Variants in EML4 observed in about 807,000 individuals in gnomAD.
EML4 encodes EMAP like 4, also known as echinoderm microtubule-associated protein-like 4.
In EML4, 72 loss-of-function variants were observed where a neutral mutation model predicts 129.0. The ratio of observed to expected loss-of-function variants is 0.56; its 90% CI spans 0.46 to 0.68. EML4 has a LOEUF of 0.68. EML4 is among the 30% of genes least tolerant of loss of function. The probability of loss-of-function intolerance (pLI) is 0.00; values close to 1 mark genes in which losing one functional copy is unlikely to be tolerated. For synonymous variants in EML4, 532 were observed against 405.0 expected (o/e 1.31, Z -3.77); for missense variants, 1,363 against 1,190.6 (o/e 1.14, Z -2.13).
intron 6 of EML4, among the ~76,000 whole-genome samples, chr2:42,280,002 G>T (rs753389399): frequency 6.6e-6 from 1 of 152,038 alleles, no homozygotes; most frequent in Non-Finnish European, 1.5e-5. Flanking sequence ...ATATTTTTGA[G>T]ATTAACCCTT....
intron 2 of EML4, among the ~76,000 whole-genome samples, chr2:42,255,328 G>T (rs185978557): frequency 6.6e-6 from 1 of 152,032 alleles, no homozygotes; most frequent in East Asian, 1.9e-4. Context: ...CTCGTGATCC[G>T]CCCACCTCAG....
At chr2:42,276,287 C>G (rs971865265) in intron 6 of EML4, among the ~76,000 whole-genome samples, 4 of 152,008 alleles carry the variant, frequency 2.6e-5, no homozygotes, top group Non-Finnish European at 5.9e-5. Context: ...TTTTCTATTT[C>G]TTTTGAAAAA....
At chr2:42,213,501 A>G (rs986299284) in intron 1 of EML4, among the ~76,000 whole-genome samples, 18 of 152,364 alleles carry the variant, frequency 1.2e-4, no homozygotes, top group Non-Finnish European at 2.2e-4. Flanking sequence ...AAAATGAACT[A>G]CATTAGGGTT....
intron 1 of EML4, among the ~76,000 whole-genome samples, chr2:42,213,435 A>G (rs373986752): frequency 2.0e-5 from 3 of 152,360 alleles, no homozygotes; most frequent in Non-Finnish European, 2.9e-5. Flanking sequence ...TTATGAATAT[A>G]TCATAGTCCA....
intron 1 of EML4, among the ~76,000 whole-genome samples, chr2:42,207,509 C>T (rs1572543653): frequency 1.3e-5 from 2 of 152,296 alleles, no homozygotes; most frequent in East Asian, 3.9e-4. Flanking sequence ...ACGTTAGCAG[C>T]TCTACCTGAA....
At chr2:42,286,111 T>C in intron 9 of EML4, 158 bp from the exon 10 acceptor site, 3 of 662,754 alleles carry the variant, frequency 4.5e-6, no homozygotes, top group Non-Finnish European at 8.4e-6. Context: ...TATAAGAAAA[T>C]ACCTACTTAA....
intron 16 of EML4, among the ~76,000 whole-genome samples, chr2:42,303,658 G>A (rs1668427760): frequency 6.6e-6 from 1 of 152,242 alleles, no homozygotes; most frequent in South Asian, 2.1e-4. Context: ...GGGCAAGGTG[G>A]CTCACACCTG....
In EML4 at chr2:42,325,098, C is replaced by G. The variant is rs570805917; in HGVS notation, c.2155-369C>G. On this transcript the variant is annotated intron_variant, in intron 19 of 22. Coordinates refer to ENST00000318522, the MANE Select transcript of EML4 (RefSeq NM_019063.5). The stretch of plus-strand genomic sequence containing the variant: ...CTGATGCCTTATGCACAACTTATAA[C>G]CAACACTTCATTCTCAAAAATGGAG... The G allele has an allele frequency of 6.9e-4, 299 of 434,514 alleles. 3 individuals carry two copies. Among genetic ancestry groups the G allele is most frequent in the South Asian group, 4.8e-3 (290 of 60,802 alleles). The allele number at this position is 434,514 out of a possible 1,614,324, so 26.9% of individuals were successfully genotyped here.
chr2:42,316,736 A>G (rs181271101), intron 18 of EML4, among the ~76,000 whole-genome samples: 1 of 152,340 alleles, frequency 6.6e-6, no homozygotes, highest in East Asian at 1.9e-4. Context: ...GCATTAGCAC[A>G]GGATCCAGAG....
chr2:42,298,442 C>T (rs997288), intron 13 of EML4, among the ~76,000 whole-genome samples: 2 of 151,936 alleles, frequency 1.3e-5, no homozygotes, highest in Non-Finnish European at 1.5e-5. Context: ...GCAGGGATTT[C>T]AAACATTATT....
chr2:42,222,366 T>C (rs553863913), intron 1 of EML4, among the ~76,000 whole-genome samples: 15 of 152,304 alleles, frequency 9.8e-5, no homozygotes, highest in African/African-American at 3.4e-4. Context: ...ATGGTTTTTA[T>C]ATTTTTAAAT....
chr2:42,274,265 A>G (rs1420360476), intron 6 of EML4, among the ~76,000 whole-genome samples: 1 of 152,198 alleles, frequency 6.6e-6, no homozygotes, highest in Non-Finnish European at 1.5e-5. Flanking sequence ...TAAAGATTGT[A>G]AAATACAGAT....
intron 1 of EML4, among the ~76,000 whole-genome samples, chr2:42,192,021 T>C (rs12712838): frequency 0.62 from 93,187 of 151,118 alleles, 29,244 homozygotes; most frequent in East Asian, 0.75. Flanking sequence ...TGCCTGTAAT[T>C]CCAGCTACTC....
At chr2:42,228,657 G>C (rs903952326) in intron 1 of EML4, among the ~76,000 whole-genome samples, 1 of 152,150 alleles carries the variant, frequency 6.6e-6, no homozygotes, top group Non-Finnish European at 1.5e-5. Flanking sequence ...ACTTGCTCCA[G>C]AGACCAGGCT....
At chr2:42,272,194 G>A (rs1176866416) in intron 6 of EML4, among the ~76,000 whole-genome samples, 2 of 151,552 alleles carry the variant, frequency 1.3e-5, no homozygotes, top group African/African-American at 2.4e-5. Context: ...GCTAAAATTT[G>A]TGATTAGCTG....
At chr2:42,275,428 G>C (rs1666603037) in intron 6 of EML4, among the ~76,000 whole-genome samples, 1 of 152,062 alleles carries the variant, frequency 6.6e-6, no homozygotes, top group South Asian at 2.1e-4. Flanking sequence ...TAGAATTTTG[G>C]AACAAAGTCT....
intron 1 of EML4, among the ~76,000 whole-genome samples, chr2:42,218,303 T>G (rs570350916): frequency 1.3e-5 from 2 of 152,070 alleles, no homozygotes; most frequent in Non-Finnish European, 2.9e-5. Context: ...TGGGACCATC[T>G]AGTTGCAGGA....
At chr2:42,260,762 T>G (rs1034301302) in intron 3 of EML4, among the ~76,000 whole-genome samples, 69 of 152,232 alleles carry the variant, frequency 4.5e-4, no homozygotes, top group Non-Finnish European at 5.9e-5. Flanking sequence ...TCTTTTGGCA[T>G]CAGTCGGTAT....
At chr2:42,242,098 G>C (rs1675076212) in intron 1 of EML4, among the ~76,000 whole-genome samples, 1 of 151,774 alleles carries the variant, frequency 6.6e-6, no homozygotes, top group Non-Finnish European at 1.5e-5. Flanking sequence ...GTTTGTAAAA[G>C]TTTGCTGAAG....
Sources: gnomAD v4.1 joint callset for allele counts (sites outside exome capture counted in the v4.1 genomes callset) on GRCh38, gnomAD v4.1.1 for gene constraint, MANE v1.5 for transcripts, NCBI Gene and HGNC (gene_info 2026-07-23, HGNC 2026-07-21) for gene names.